Variants in CLUH observed in about 807,000 individuals in gnomAD.
CLUH encodes CLUH binding protein of NUMT mRNA, also known as clustered mitochondria protein homolog.
CLUH carries 77 observed loss-of-function variants against 139.3 expected under a neutral mutation model. The ratio of observed to expected loss-of-function variants is 0.55; its 90% confidence interval spans 0.46 to 0.67. The LOEUF (loss-of-function observed/expected upper bound fraction) is 0.67, where lower values mean the gene tolerates loss of function less well. Ranked by LOEUF, CLUH falls within the 30% of genes least tolerant of loss-of-function variation. CLUH has a pLI of 0.00. For missense variants in CLUH, 1,876 were observed against 1,875.8 expected (o/e 1.00, Z 0.00); for synonymous variants, 999 against 801.6 (o/e 1.25, Z -4.16).
intron 7 of CLUH, 148 bp downstream of exon 7, chr17:2,700,992 C>A: frequency 1.4e-6 from 2 of 1,457,964 alleles, no homozygotes; most frequent in Non-Finnish European, 1.8e-6. Context: ...GCTGTCTCGG[C>A]ACTGGCCGAC....
At chr17:2,695,824 G>A in intron 13 of CLUH, 1 of 578,140 alleles carries the variant, frequency 1.7e-6, no homozygotes, top group Non-Finnish European at 3.1e-6. Context: ...TGTTGGGGGA[G>A]CACCCAGCAT....
At chr17:2,693,547 CCG>C (rs1165409404) in intron 19 of CLUH, among the ~76,000 whole-genome samples, 1 of 114,952 alleles carries the variant, frequency 8.7e-6, no homozygotes, top group Non-Finnish European at 1.8e-5. Context: ...TCCACCAGCC[CCG>C]GCCAGGCAGG....
chr17:2,707,595 C>T lies in CLUH; in HGVS notation c.101-3031G>A, dbSNP rs2070385675. The T allele has an allele frequency of 2.0e-6, 2 of 985,276 alleles. No individual in the cohort carries two copies. Among genetic ancestry groups the T allele is most frequent in the African/African-American group, 1.7e-5 (1 of 57,234 alleles). The allele number at this position is 985,276 out of a possible 1,614,324, so 61.0% of individuals were successfully genotyped here. A position where few individuals can be genotyped will look rare whatever the true frequency, so the allele number is the denominator to read the frequency against. On this transcript the variant is annotated intron_variant, in intron 1 of 25. Coordinates refer to ENST00000651024, the MANE Select transcript of CLUH (RefSeq NM_001366661.1). The surrounding 1 kb of genome is among the most constrained non-coding windows in gnomAD (Gnocchi z 7.4). The stretch of plus-strand genomic sequence containing the variant: ...CCCAGAATTTGGGGTACCTGGACCC[C>T]TCAAGATTGAGGGCCTAGGAGACTG...
chr17:2,710,763 G>C (rs1233262331), intron 1 of CLUH, among the ~76,000 whole-genome samples: 1 of 152,100 alleles, frequency 6.6e-6, no homozygotes, highest in Non-Finnish European at 1.5e-5. Context: ...AGCCCCCATG[G>C]GGGATCGCTG....
intron 1 of CLUH, among the ~76,000 whole-genome samples, chr17:2,708,876 G>A (rs2070430236): frequency 6.9e-6 from 1 of 145,224 alleles, no homozygotes; most frequent in African/African-American, 2.5e-5. Flanking sequence ...GGGGGGAGCA[G>A]AACTATCCCA....
In CLUH at chr17:2,698,081, G is replaced by A. The variant is rs1265268834; in HGVS notation, c.1776C>T (p.Ile592=). The A allele has an allele frequency of 6.2e-7, 1 of 1,606,364 alleles. No homozygotes were observed. The highest frequency in any genetic ancestry group is 2.2e-5 in the East Asian group (1 of 44,708). Residue 592 remains isoleucine, a synonymous_variant, in exon 10 of 26, where the codon ATC becomes ATT. Transcript: ENST00000651024. ...TGTAGTGGCGCCCGTCGTTGCCAAT[G>A]ATGCCCTTGCACTCGACCGAGGAGC... ...ELCSSVECKG[I]IGNDGRHYIL... is the part of the protein sequence containing the mutation.
chr17:2,702,959 G>T (rs1324615882), intron 3 of CLUH, among the ~76,000 whole-genome samples: 1 of 152,108 alleles, frequency 6.6e-6, no homozygotes, highest in African/African-American at 2.4e-5. Flanking sequence ...CGAGTAGCTG[G>T]GATTACAGGC....
chr17:2,691,921 GCCCCCCCGTGC>G (rs1388645238), intron 23 of CLUH, 26 bp from the exon 24 acceptor site: 4 of 1,437,392 alleles, frequency 2.8e-6, no homozygotes, highest in Non-Finnish European at 2.8e-6. Flanking sequence ...AAGGGATCAG[GCCCCCCCGTGC>G]CCCCGCGGCC....
intron 1 of CLUH, chr17:2,708,115 C>G: frequency 2.0e-6 from 1 of 494,388 alleles, no homozygotes; most frequent in Non-Finnish European, 2.6e-6. Flanking sequence ...TTCCCAGGGC[C>G]TCTGACATGC....
rs1024918265 is a variant in CLUH, at chr17:2,692,502, G to A, written c.3439-20C>T. The A allele has an allele frequency of 8.1e-6, 13 of 1,596,368 alleles. No homozygotes were observed. The highest frequency in any genetic ancestry group is 1.1e-5 in the Non-Finnish European group (13 of 1,174,042). On this transcript the variant is annotated intron_variant, in intron 21 of 25. Transcript: ENST00000651024. ...GTTGTTCTGGGGGCAGGCGGTGGGG[G>A]GCCCTGGTCAGCTCCCGGTCCCCTG... is the stretch of plus-strand genomic sequence containing the variant.
In CLUH at chr17:2,692,043, C is replaced by T; in HGVS notation, c.3615G>A (p.Leu1205=). The T allele has an allele frequency of 3.1e-6, 5 of 1,601,648 alleles. No homozygotes were observed. Among genetic ancestry groups the T allele is most frequent in the Non-Finnish European group, 4.3e-6 (5 of 1,174,834 alleles). ...YESKAEFRSA[L]QHEKEGYTIY... ...TGGTGTAACCCTCCTTCTCGTGCTG[C>T]AGGGCCGACCGGAACTCAGCTTTGC... Residue 1205 remains leucine, a synonymous_variant, in exon 23 of 26, where the codon CTG becomes CTA. Transcript: ENST00000651024.
At position 2,692,441 on chromosome 17, in the gene CLUH, G is replaced by A. The variant is rs1251250691; in HGVS notation, c.3480C>T (p.Asp1160=). 3 of 1,600,474 alleles carry A rather than the reference G, an allele frequency of 1.9e-6. No homozygotes were observed. Among genetic ancestry groups the A allele is most frequent in the Admixed American group, 1.7e-5 (1 of 59,998 alleles). The change falls in exon 22 of 26, where the codon GAC becomes GAT. Residue 1160 remains aspartate (D), a synonymous_variant. Coordinates refer to ENST00000651024, the MANE Select transcript of CLUH (RefSeq NM_001366661.1). ...GLVLHGVMEY[D]LSLRFLENAL... ...CGTTCTCCAGGAAGCGCAGCGACAG[G>A]TCGTACTCCATCACCCCGTGCAGCA...
Position 2,694,871 on chromosome 17 carries a change from G to C in CLUH, c.2838C>G (p.Asp946Glu). 6.7e-7 allele frequency: 1 copy of C among 1,501,400 alleles called. No homozygotes were observed. Among genetic ancestry groups the C allele is most frequent in the South Asian group, 1.2e-5 (1 of 81,132 alleles). 93.0% of individuals were successfully genotyped at this position (1,501,400 alleles called of 1,614,324 possible). ...NICQEAKNYF[D>E]FDLECETVDQ... ...CCCGCACGCACCACTCGAGGTCGAAGTCAAAGTAGTTCTTGGCCTCCTGGC... is the reference window on the plus strand; with the variant it reads ...CCCGCACGCACCACTCGAGGTCGAACTCAAAGTAGTTCTTGGCCTCCTGGC... The change falls in exon 16 of 26, where the codon GAC (aspartate) becomes GAG (glutamate). Residue 946 changes from aspartate (D) to glutamate (E), a missense_variant. Transcript: ENST00000651024.
chr17:2,705,207 C>A (rs1399443444), intron 1 of CLUH, among the ~76,000 whole-genome samples: 2 of 152,156 alleles, frequency 1.3e-5, no homozygotes, highest in Non-Finnish European at 2.9e-5. Context: ...ACTCATCTTC[C>A]TCCTCAAACT....
In CLUH at chr17:2,698,245, C is replaced by T. The variant is rs1271914066; in HGVS notation, c.1612G>A (p.Val538Ile). Reference protein sequence around the residue: ...GILERDQEQSVIYGSIDFGKT... With the variant: ...GILERDQEQSIIYGSIDFGKT... ...CCGAAGTCGATGGAGCCGTAGATGA[C>T]GCTCTGCTCCTGGTCCCGCTCCAGG... The change falls in exon 10 of 26, where the codon GTC becomes ATC. Residue 538 changes from valine (V) to isoleucine (I), a missense_variant. By Grantham distance (29) the Val-to-Ile change is conservative. Around this residue, in one of 3 missense-constraint regions of CLUH, gnomAD observed 1,454 missense variants for 1,384.4 expected, o/e 1.05. Coordinates refer to ENST00000651024, the MANE Select transcript of CLUH (RefSeq NM_001366661.1). 8.1e-6 allele frequency: 13 copies of T among 1,602,352 alleles called. No individual in the cohort carries two copies. Among genetic ancestry groups the T allele is most frequent in the South Asian group, 1.1e-5 (1 of 89,164 alleles).
intron 1 of CLUH, chr17:2,711,260 C>A (rs900148518): frequency 2.6e-5 from 4 of 152,184 alleles, no homozygotes; most frequent in Non-Finnish European, 5.9e-5. Flanking sequence ...TTTCGGTCTG[C>A]GGCGGCGGCG....
intron 13 of CLUH, 187 bp from the exon 14 acceptor site, chr17:2,695,713 G>C: frequency 1.4e-6 from 1 of 736,850 alleles, no homozygotes; most frequent in Non-Finnish European, 2.2e-6. Flanking sequence ...AGAGCCCGGT[G>C]GTGGTACAGG....
chr17:2,696,426 C>G lies in CLUH; in HGVS notation c.2290+8G>C, dbSNP rs1427133817. 3.2e-6 allele frequency: 5 copies of G among 1,577,324 alleles called. No homozygotes were observed. Among genetic ancestry groups the G allele is most frequent in the East Asian group, 4.7e-5 (2 of 42,588 alleles). On this transcript the variant is annotated splice_region_variant and intron_variant, in intron 12 of 25. Coordinates refer to ENST00000651024, the MANE Select transcript of CLUH (RefSeq NM_001366661.1). ...GGGCTCCTGCGCTGGCCGGCCCCCA[C>G]CACCTGCCTGGTGAGAAGATGTCAG...
At position 2,696,437 on chromosome 17, in the gene CLUH, G is replaced by C; in HGVS notation, c.2287C>G (p.Pro763Ala). The C allele has an allele frequency of 1.3e-6, 2 of 1,586,142 alleles. No homozygotes were observed. Among genetic ancestry groups the C allele is most frequent in the Non-Finnish European group, 1.7e-6 (2 of 1,167,736 alleles). ...DIRFNPDIFSPGVRFPESCQD... is the reference protein window; with the variant it reads ...DIRFNPDIFSAGVRFPESCQD... ...CTGGCCGGCCCCCACCACCTGCCTG[G>C]TGAGAAGATGTCAGGATTGAAGCGA... Residue 763 changes from proline to alanine, a missense_variant, in exon 12 of 26, where the codon CCA becomes GCA. Coordinates refer to ENST00000651024, the MANE Select transcript of CLUH (RefSeq NM_001366661.1).
Sources: allele counts gnomAD v4.1 joint callset (sites outside exome capture counted in the v4.1 genomes callset), GRCh38; gene constraint gnomAD v4.1.1; regional missense constraint gnomAD v4.1.1; non-coding constraint Gnocchi (gnomAD v3.1); transcripts MANE v1.5; gene names NCBI Gene and HGNC (gene_info 2026-07-23, HGNC 2026-07-21).